DIAPH2: variants seen among roughly 807,000 people sequenced by gnomAD.
The protein encoded by DIAPH2 is diaphanous related formin 2.
DIAPH2 carries 35 observed loss-of-function variants against 92.7 expected under a neutral mutation model. The ratio of observed to expected loss-of-function variants is 0.38; its 90% CI spans 0.29 to 0.50. The LOEUF (loss-of-function observed/expected upper bound fraction) is 0.50, where lower values mean the gene tolerates loss of function less well. Ranked by LOEUF, DIAPH2 falls within the 20% of genes least tolerant of loss-of-function variation. The pLI is 0.94. For missense variants in DIAPH2, 701 were observed against 819.5 expected (o/e 0.86, Z 1.77); for synonymous variants, 301 against 280.4 (o/e 1.07, Z -0.73).
At chrX:96,782,625 G>A (rs1225858103) in intron 4 of DIAPH2, among the ~76,000 whole-genome samples, 1 of 111,119 alleles carries the variant, frequency 9.0e-6, no homozygotes, top group South Asian at 3.8e-4. Flanking sequence ...GTAGAGATGG[G>A]GTTTCGCCAT....
intron 1 of DIAPH2, among the ~76,000 whole-genome samples, chrX:96,724,179 G>A (rs2064007552): frequency 9.0e-6 from 1 of 110,704 alleles, no homozygotes; most frequent in African/African-American, 3.3e-5. Context: ...GCCCGCCTCC[G>A]CCTTCCAAAG....
intron 21 of DIAPH2, among the ~76,000 whole-genome samples, chrX:97,116,594 A>G (rs988691657): frequency 6.2e-5 from 7 of 112,019 alleles, no homozygotes; most frequent in African/African-American, 1.6e-4. Context: ...AGTATATGCT[A>G]TATGCACACT....
intron 23 of DIAPH2, among the ~76,000 whole-genome samples, chrX:97,288,141 A>G (rs1438060069): frequency 9.0e-6 from 1 of 110,769 alleles, no homozygotes; most frequent in Non-Finnish European, 1.9e-5. Flanking sequence ...CAAAACACAT[A>G]CAAATGAAAA....
chrX:96,979,728 A>G (rs1421602463), intron 17 of DIAPH2, among the ~76,000 whole-genome samples: 1 of 112,451 alleles, frequency 8.9e-6, no homozygotes, highest in Non-Finnish European at 1.9e-5. Flanking sequence ...ACAGTTATAT[A>G]TACTTAGTTT....
rs1049591669 is a variant in DIAPH2 at position 97,240,324 on chromosome X, C to A, written c.2720-7391C>A. On this transcript the variant is annotated intron_variant, in intron 22 of 26. Coordinates refer to ENST00000324765, the MANE Select transcript of DIAPH2 (RefSeq NM_006729.5). ...TTAGTTCTCTTTATTAAAAAAAGACCAGCTGGGCGCTGTGGCTCGCGCCTG... is the reference window on the plus strand; with the variant it reads ...TTAGTTCTCTTTATTAAAAAAAGACAAGCTGGGCGCTGTGGCTCGCGCCTG... Among the ~76,000 whole-genome samples the A allele has an allele frequency of 1.1e-4, 12 of 111,207 alleles. No individual in the cohort carries two copies. The East Asian group carries it at 3.1e-3, about 29-fold the overall frequency.
chrX:96,744,898 G>A (rs1339949538), intron 3 of DIAPH2, among the ~76,000 whole-genome samples: 1 of 110,835 alleles, frequency 9.0e-6, no homozygotes, highest in Non-Finnish European at 1.9e-5. Flanking sequence ...GCTTTATTGT[G>A]CTGTTTCTCT....
At chrX:97,039,442 G>A (rs762364083) in intron 17 of DIAPH2, among the ~76,000 whole-genome samples, 7 of 111,297 alleles carry the variant, frequency 6.3e-5, no homozygotes, top group African/African-American at 1.6e-4. Context: ...TAGTGGGACC[G>A]TTGAAACTAG....
At chrX:97,151,496 C>G in intron 22 of DIAPH2, among the ~76,000 whole-genome samples, 1 of 31,451 alleles carries the variant, frequency 3.2e-5, no homozygotes, top group Non-Finnish European at 9.0e-5. Flanking sequence ...AGATTTTATC[C>G]AAACACCTTT....
chrX:97,276,041 G>A (rs1184612402), intron 23 of DIAPH2, among the ~76,000 whole-genome samples: 5 of 112,894 alleles, frequency 4.4e-5, no homozygotes, highest in Admixed American at 3.7e-4. Flanking sequence ...TCGGGAGGCC[G>A]AGGCTGGCAG....
intron 24 of DIAPH2, among the ~76,000 whole-genome samples, chrX:97,362,013 G>A (rs2069329823): frequency 8.9e-6 from 1 of 111,776 alleles, no homozygotes; most frequent in Non-Finnish European, 1.9e-5. Context: ...GGCCAAGGCG[G>A]GTGGATCACT....
At chrX:97,287,820 G>C (rs2068556001) in intron 23 of DIAPH2, among the ~76,000 whole-genome samples, 1 of 106,854 alleles carries the variant, frequency 9.4e-6, no homozygotes, top group African/African-American at 3.4e-5. Context: ...GCCGGGCCTA[G>C]TATGCACCTT....
intron 24 of DIAPH2, among the ~76,000 whole-genome samples, chrX:97,373,890 C>G (rs949223834): frequency 2.7e-5 from 3 of 110,723 alleles, no homozygotes; most frequent in Non-Finnish European, 5.7e-5. Flanking sequence ...GCGTGAGCCA[C>G]TGTGCCCGGC....
intron 5 of DIAPH2, among the ~76,000 whole-genome samples, chrX:96,894,132 T>C (rs2147762212): frequency 8.9e-6 from 1 of 112,054 alleles, no homozygotes; most frequent in South Asian, 3.7e-4. Flanking sequence ...AAGCCTTTCA[T>C]ATACCCGAAA....
chrX:97,487,243 T>G (rs1211451679), intron 26 of DIAPH2, among the ~76,000 whole-genome samples: 2 of 112,065 alleles, frequency 1.8e-5, no homozygotes, highest in Non-Finnish European at 3.8e-5. Context: ...GGAGTGCAGA[T>G]ATCAATTTGA....
intron 23 of DIAPH2, among the ~76,000 whole-genome samples, chrX:97,270,419 G>A (rs2068376901): frequency 8.9e-6 from 1 of 111,892 alleles, no homozygotes; most frequent in Non-Finnish European, 1.9e-5. Flanking sequence ...TGGTACAGAG[G>A]GACTAAGTTG....
At chrX:96,886,820 C>T (rs866084680) in intron 5 of DIAPH2, among the ~76,000 whole-genome samples, 2 of 110,747 alleles carry the variant, frequency 1.8e-5, no homozygotes, top group Middle Eastern at 4.6e-3. Context: ...ATAGGTCACT[C>T]CCATAATTGC....
chrX:96,854,639 A>ATATC (rs1415454384), intron 4 of DIAPH2, among the ~76,000 whole-genome samples: 1 of 82,137 alleles, frequency 1.2e-5, no homozygotes, highest in Non-Finnish European at 2.3e-5. Context: ...ATATATATAT[A>ATATC]TATCCATCTG....
rs1388773191 is a variant in DIAPH2, at chrX:96,700,214, G to T, written c.132+15024G>T. ...CATAGAGATGTGGTTTCGCCATGTTGCCCAGGCTGGTCTTGAACCCCTGGG... is the reference window on the plus strand; with the variant it reads ...CATAGAGATGTGGTTTCGCCATGTTTCCCAGGCTGGTCTTGAACCCCTGGG... On this transcript the variant is annotated intron_variant, in intron 1 of 26. Transcript: ENST00000324765. Among the ~76,000 whole-genome samples the T allele has an allele frequency of 2.7e-5, 3 of 111,581 alleles. No homozygotes were observed. In the East Asian group the frequency reaches 8.5e-4, roughly 32 times the overall value.
intron 25 of DIAPH2, among the ~76,000 whole-genome samples, chrX:97,394,063 A>G (rs998118028): frequency 8.9e-6 from 1 of 112,114 alleles, no homozygotes; most frequent in Non-Finnish European, 1.9e-5. Flanking sequence ...ATTACATCTT[A>G]TAAGTGAATA....
Sources: allele counts gnomAD v4.1 joint callset (sites outside exome capture counted in the v4.1 genomes callset), GRCh38; gene constraint gnomAD v4.1.1; transcripts MANE v1.5; gene names NCBI Gene and HGNC (gene_info 2026-07-23, HGNC 2026-07-21).